The following USP35 variants were observed in gnomAD, a reference collection of about 807,000 sequenced individuals.
USP35 encodes ubiquitin specific peptidase 35.
A neutral mutation model predicts 83.8 loss-of-function variants in USP35; 69 were observed. The ratio of observed to expected loss-of-function variants is 0.82; its 90% CI spans 0.68 to 1.01. The LOEUF (loss-of-function observed/expected upper bound fraction) is 1.01, where lower values mean the gene tolerates loss of function less well. Among genes scored for constraint, USP35 ranks in the 50% least tolerant of loss-of-function variants. The pLI is 0.00. For missense variants in USP35, 1,503 were observed against 1,362.5 expected (o/e 1.10, Z -1.62); for synonymous variants, 714 against 589.5 (o/e 1.21, Z -3.06).
intron 6 of USP35, among the ~76,000 whole-genome samples, chr11:78,203,490 A>G (rs952924475): frequency 2.0e-5 from 3 of 152,230 alleles, no homozygotes; most frequent in East Asian, 1.9e-4. Flanking sequence ...GTAGCCTGAC[A>G]TGAGCTCTGA....
At position 78,208,899 on chromosome 11, in the gene USP35, A is replaced by G; in HGVS notation, c.1528A>G (p.Thr510Ala). The G allele has an allele frequency of 6.2e-7, 1 of 1,614,120 alleles. No homozygotes were observed. The highest frequency in any genetic ancestry group is 8.5e-7 in the Non-Finnish European group (1 of 1,180,016). ...AGAGAACTTCCTCTCCGCATCCTGGACGCCCTGGTTCAGCCCTGGCACCCA... is the reference window on the plus strand; with the variant it reads ...AGAGAACTTCCTCTCCGCATCCTGGGCGCCCTGGTTCAGCCCTGGCACCCA... ...SPENFLSASW[T>A]PWFSPGTQQD... The change falls in exon 9 of 11, where the codon ACG becomes GCG. Residue 510 changes from threonine to alanine, a missense_variant. Coordinates refer to ENST00000529308, the MANE Select transcript of USP35 (RefSeq NM_020798.4).
chr11:78,223,416 C>T, the USP35 span: 1 of 1,523,462 alleles, frequency 6.6e-7, no homozygotes, highest in East Asian at 2.3e-5. Flanking sequence ...ACTTACCTTT[C>T]CGATCAGGTT....
the USP35 span, chr11:78,223,690 C>A: frequency 5.7e-6 from 9 of 1,571,316 alleles, no homozygotes; most frequent in Non-Finnish European, 7.8e-6. Context: ...GGGAGAGGAA[C>A]AGTGAAAGAA....
intron 8 of USP35, 23 bp downstream of exon 8, chr11:78,207,646 G>T (rs181845031): frequency 6.0e-5 from 96 of 1,611,002 alleles, no homozygotes; most frequent in Middle Eastern, 1.7e-4. Flanking sequence ...GCAGTCAGAG[G>T]GGGGTGGAGA....
chr11:78,202,541 GA>G (rs1405243776), intron 6 of USP35, among the ~76,000 whole-genome samples: 1 of 152,168 alleles, frequency 6.6e-6, no homozygotes, highest in Non-Finnish European at 1.5e-5. Flanking sequence ...AAGTTCTACT[GA>G]AAATGAGTTT....
At chr11:78,195,270 A>C (rs894336274) in intron 1 of USP35, among the ~76,000 whole-genome samples, 1 of 152,166 alleles carries the variant, frequency 6.6e-6, no homozygotes, top group Non-Finnish European at 1.5e-5. Flanking sequence ...GGCTATTCTC[A>C]CTGAGGACGG....
chr11:78,226,455 T>TA, the USP35 span: 1 of 1,604,080 alleles, frequency 6.2e-7, no homozygotes, highest in Non-Finnish European at 8.5e-7. Context: ...CAGCTAGGAC[T>TA]TATACTGACC....
chr11:78,221,575 C>T, the USP35 span: 1 of 632,286 alleles, frequency 1.6e-6, no homozygotes, highest in Admixed American at 2.5e-5. Flanking sequence ...TACAAGGAGT[C>T]CCTGGGCTGA....
intron 6 of USP35, among the ~76,000 whole-genome samples, chr11:78,203,236 A>C (rs1036293089): frequency 6.6e-5 from 10 of 152,180 alleles, no homozygotes; most frequent in African/African-American, 2.2e-4. Context: ...TTCATAGAGA[A>C]GGGATACAGG....
In USP35 at chr11:78,209,671, T is replaced by G; in HGVS notation, c.1816T>G (p.Cys606Gly). 6.2e-7 allele frequency: 1 copy of G among 1,613,968 alleles called. No individual in the cohort carries two copies. Among genetic ancestry groups the G allele is most frequent in the Non-Finnish European group, 8.5e-7 (1 of 1,179,912 alleles). The change falls in exon 10 of 11, where the codon TGT (cysteine) becomes GGT (glycine). Residue 606 changes from cysteine (C) to glycine (G), a missense_variant. Cys to Gly is a radical substitution (Grantham distance 159). Transcript: ENST00000529308. The stretch of plus-strand genomic sequence containing the variant: ...TCTCGCCTTCCCTCCTCCTGAGCGC[T>G]GTCGCCGCCGCCGCCTGGGCTCTGT... The part of the protein sequence containing the change: ...LSLAFPPPER[C>G]RRRRLGSVMR...
At chr11:78,220,217 G>T, downstream of USP35, 2 of 1,217,878 alleles carry the variant, frequency 1.6e-6, no homozygotes, top group Non-Finnish European at 2.3e-6. Flanking sequence ...CAGGAGGGAG[G>T]CTGAGTGCTG....
rs372352198 is a variant in USP35 at position 78,209,702 on chromosome 11, G to T, written c.1847G>T (p.Arg616Leu). The T allele has an allele frequency of 1.9e-6, 3 of 1,613,920 alleles. No individual in the cohort carries two copies. In the South Asian group the frequency reaches 3.3e-5, roughly 18 times the overall value. Residue 616 changes from arginine to leucine, a missense_variant, in exon 10 of 11, where the codon CGC becomes CTC. Physicochemically the swap from Arg to Leu is moderately radical, Grantham distance 102. Coordinates refer to ENST00000529308, the MANE Select transcript of USP35 (RefSeq NM_020798.4). Reference protein sequence around the residue: ...CRRRRLGSVMRPTEDITAREL... With the variant: ...CRRRRLGSVMLPTEDITAREL... The stretch of plus-strand genomic sequence containing the variant: ...CGCCGCCGCCTGGGCTCTGTGATGC[G>T]CCCCACAGAAGACATCACAGCCCGG...
the USP35 span, among the ~76,000 whole-genome samples, chr11:78,231,598 T>G: frequency 2.0e-5 from 3 of 152,210 alleles, no homozygotes; most frequent in Admixed American, 2.0e-4. Flanking sequence ...TCTGCCCGCC[T>G]CAGCCTCCCA....
chr11:78,213,143 C>A (rs1482589849), intron 10 of USP35, among the ~76,000 whole-genome samples: 1 of 152,230 alleles, frequency 6.6e-6, no homozygotes, highest in Non-Finnish European at 1.5e-5. Flanking sequence ...AGCCTATGTG[C>A]TGTTTTACCA....
intron 3 of USP35, chr11:78,198,985 AG>A (rs2137032890): frequency 6.5e-6 from 1 of 154,156 alleles, no homozygotes; most frequent in South Asian, 2.0e-4. Flanking sequence ...TGCTGAGTCT[AG>A]GCTGTTTTCC....
chr11:78,219,512 G>A (rs1179412638), downstream of USP35: 1 of 1,132,022 alleles, frequency 8.8e-7, no homozygotes, highest in Admixed American at 1.8e-5. Flanking sequence ...CTGTCTGAAG[G>A]GGAGAAGAGC....
In USP35 at chr11:78,214,065, A is replaced by C. The variant is rs1863940341; in HGVS notation, c.*252A>C. 2.5e-6 allele frequency: 1 copy of C among 400,738 alleles called. No homozygotes were observed. The highest frequency in any genetic ancestry group is 2.1e-5 in the African/African-American group (1 of 47,880). The allele number at this position is 400,738 out of a possible 1,614,324, so 24.8% of individuals were successfully genotyped here. On this transcript the variant is annotated 3_prime_UTR_variant, in exon 11 of 11. Coordinates refer to ENST00000529308, the MANE Select transcript of USP35 (RefSeq NM_020798.4). ...AACTTGAAGCAGCCGAGATGGGCAC[A>C]CACGGGTCTTTGCCTCCCCCTCCTT...
In USP35 at chr11:78,197,995, A is replaced by G. The variant is rs1357196163; in HGVS notation, c.733A>G (p.Met245Val). Reference protein sequence around the residue: ...SVVQHLPLELMDGVVRNLSND... With the variant: ...SVVQHLPLELVDGVVRNLSND... ...GGTCCAGCACCTCCCATTGGAGCTCATGGATGGTGTTGTCCGGAACCTCAG... is the reference window on the plus strand; with the variant it reads ...GGTCCAGCACCTCCCATTGGAGCTCGTGGATGGTGTTGTCCGGAACCTCAG... Residue 245 changes from methionine (M) to valine (V), a missense_variant, in exon 3 of 11, where the codon ATG becomes GTG. Met to Val is a conservative substitution (Grantham distance 21). Coordinates refer to ENST00000529308, the MANE Select transcript of USP35 (RefSeq NM_020798.4). The G allele has an allele frequency of 6.2e-7, 1 of 1,611,784 alleles. No individual in the cohort carries two copies. The highest frequency in any genetic ancestry group is 8.5e-7 in the Non-Finnish European group (1 of 1,177,814).
At position 78,214,663 on chromosome 11, in the gene USP35, A is replaced by C. The variant is rs1237163607; in HGVS notation, c.*850A>C. On this transcript the variant is annotated 3_prime_UTR_variant, in exon 11 of 11. Coordinates refer to ENST00000529308, the MANE Select transcript of USP35 (RefSeq NM_020798.4). ...CCCCTTCTAACTTCTAACCGAAGACAAGACAGACACCCATGTTCATAAATA... is the reference window on the plus strand; with the variant it reads ...CCCCTTCTAACTTCTAACCGAAGACCAGACAGACACCCATGTTCATAAATA... 1 of 152,162 alleles carries C rather than the reference A, an allele frequency of 6.6e-6. No homozygotes were observed. Among genetic ancestry groups the C allele is most frequent in the Non-Finnish European group, 1.5e-5 (1 of 68,050 alleles). 9.4% of individuals were successfully genotyped at this position (152,162 alleles called of 1,614,324 possible).
Sources: allele counts gnomAD v4.1 joint callset (sites outside exome capture counted in the v4.1 genomes callset), GRCh38; gene constraint gnomAD v4.1.1; transcripts MANE v1.5; gene names NCBI Gene and HGNC (gene_info 2026-07-23, HGNC 2026-07-21).